Variants in REV1 observed in about 807,000 individuals in gnomAD.
REV1 encodes the protein REV1 DNA directed polymerase.
A neutral mutation model predicts 137.4 loss-of-function variants in REV1; 42 were observed. The observed-to-expected ratio is 0.31, with a 90% CI of 0.24 to 0.40. The LOEUF is 0.40. Among genes scored for constraint, REV1 ranks in the 10% least tolerant of loss-of-function variants. The pLI is 1.00. For synonymous variants in REV1, 524 were observed against 519.2 expected (o/e 1.01, Z -0.12); for missense variants, 1,282 against 1,490.1 (o/e 0.86, Z 2.30).
In REV1 at chr2:99,462,638, A is replaced by C. The variant is rs371761779; in HGVS notation, c.55-16T>G. On this transcript the variant is annotated splice_polypyrimidine_tract_variant and intron_variant, in intron 2 of 22. Coordinates refer to ENST00000258428, the MANE Select transcript of REV1 (RefSeq NM_016316.4). Reference sequence around the variant, plus strand: ...TATACCCACCCTAGAATTAAAGAAAAGGTAAACCAATCACAAAGGTTACAT... The same window carrying C: ...TATACCCACCCTAGAATTAAAGAAACGGTAAACCAATCACAAAGGTTACAT... 3.8e-6 allele frequency: 6 copies of C among 1,587,096 alleles called. No homozygotes were observed. The African/African-American group carries it at 8.2e-5, about 22-fold the overall frequency.
chr2:99,457,690 A>G (rs907171768), intron 3 of REV1, among the ~76,000 whole-genome samples: 1 of 151,850 alleles, frequency 6.6e-6, no homozygotes, highest in Non-Finnish European at 1.5e-5. Flanking sequence ...GTCTCAAGAA[A>G]AAAAAAAAAA....
chr2:99,412,717 T>G lies in REV1; in HGVS notation c.2172+14A>C. The G allele has an allele frequency of 6.3e-7, 1 of 1,599,662 alleles. No individual in the cohort carries two copies. Among genetic ancestry groups the G allele is most frequent in the Non-Finnish European group, 8.6e-7 (1 of 1,166,880 alleles). On this transcript the variant is annotated intron_variant, in intron 13 of 22. Coordinates refer to ENST00000258428, the MANE Select transcript of REV1 (RefSeq NM_016316.4). ...AAGAGCAACAGATGGCAAAATCTGTTCAATGATCAGTACCTGAGTAAACCT... is the reference window on the plus strand; with the variant it reads ...AAGAGCAACAGATGGCAAAATCTGTGCAATGATCAGTACCTGAGTAAACCT...
intron 14 of REV1, among the ~76,000 whole-genome samples, chr2:99,409,828 G>C (rs868428155): frequency 5.2e-5 from 7 of 135,296 alleles, no homozygotes; most frequent in African/African-American, 1.9e-4. Context: ...GGGTGACAGA[G>C]CCAGACTCTG....
At chr2:99,401,640 G>A (rs554123559) in intron 22 of REV1, among the ~76,000 whole-genome samples, 28 of 152,200 alleles carry the variant, frequency 1.8e-4, no homozygotes, top group African/African-American at 5.8e-4. Flanking sequence ...CCAGCTACCC[G>A]GGAGGCTGAG....
chr2:99,435,799 A>G, intron 7 of REV1, 35 bp downstream of exon 7: 1 of 1,012,242 alleles, frequency 9.9e-7, no homozygotes, highest in Non-Finnish European at 1.5e-6. Context: ...ATAACAATAT[A>G]TCAGTTTTCT....
At chr2:99,435,653 T>C (rs1007462065) in intron 7 of REV1, 181 bp downstream of exon 7, 2 of 467,332 alleles carry the variant, frequency 4.3e-6, no homozygotes, top group Non-Finnish European at 3.8e-6. Context: ...AAGATCCCTA[T>C]AGGGAGAAAG....
At chr2:99,466,805 CAGG>C (rs1338695050) in intron 1 of REV1, among the ~76,000 whole-genome samples, 2 of 152,086 alleles carry the variant, frequency 1.3e-5, no homozygotes, top group Admixed American at 6.5e-5. Flanking sequence ...CTGATGAAGG[CAGG>C]AGGAGCATGA....
intron 11 of REV1, 26 bp from the exon 12 acceptor site, chr2:99,418,973 A>AAAT (rs1678269794): frequency 6.4e-7 from 1 of 1,553,470 alleles, no homozygotes; most frequent in Admixed American, 1.8e-5. Flanking sequence ...GTCATCCAAG[A>AAAT]AATAGTCACA....
chr2:99,430,682 T>A (rs1229586091), intron 8 of REV1, among the ~76,000 whole-genome samples: 1 of 152,134 alleles, frequency 6.6e-6, no homozygotes, highest in African/African-American at 2.4e-5. Flanking sequence ...CAAACCAAAT[T>A]TACAACTTTA....
chr2:99,450,296 G>A (rs1274838985), intron 3 of REV1, among the ~76,000 whole-genome samples: 2 of 152,090 alleles, frequency 1.3e-5, no homozygotes, highest in East Asian at 3.8e-4. Flanking sequence ...AAGAAGAAAT[G>A]TCTGATTCAC....
chr2:99,440,076 A>G (rs1243825448), intron 5 of REV1, among the ~76,000 whole-genome samples: 2 of 152,306 alleles, frequency 1.3e-5, no homozygotes, highest in East Asian at 3.9e-4. Flanking sequence ...CATTTCTAAG[A>G]AATGCATATT....
At position 99,430,881 on chromosome 2, in the gene REV1, C is replaced by T. The variant is rs565252976; in HGVS notation, c.1439-933G>A. ...TAAAAAAAAAAATCACATTCTAAAA[C>T]CACAACCTCAGCCACATCTCTACTA... On this transcript the variant is annotated intron_variant, in intron 8 of 22. Transcript: ENST00000258428. Among the ~76,000 whole-genome samples, 9 of 152,218 alleles carry T rather than the reference C, an allele frequency of 5.9e-5. 1 individual carries two copies. In the South Asian group the frequency reaches 1.9e-3, roughly 32 times the overall value.
In REV1 at chr2:99,464,989, T is replaced by C. The variant is rs1327941010; in HGVS notation, c.-10-4A>G. ...ACCTCGCCTCATGGTGGAGCTTCTGTATTGGGGAGGAAAAAAAAAATGTCA... is the reference window on the plus strand; with the variant it reads ...ACCTCGCCTCATGGTGGAGCTTCTGCATTGGGGAGGAAAAAAAAAATGTCA... On this transcript the variant is annotated splice_polypyrimidine_tract_variant and splice_region_variant and intron_variant, in intron 1 of 22. Coordinates refer to ENST00000258428, the MANE Select transcript of REV1 (RefSeq NM_016316.4). The C allele has an allele frequency of 3.7e-6, 6 of 1,608,278 alleles. No homozygotes were observed. In the Admixed American group the frequency reaches 8.5e-5, roughly 23 times the overall value.
At chr2:99,465,112 T>C in intron 1 of REV1, 127 bp from the exon 2 acceptor site, 1 of 690,366 alleles carries the variant, frequency 1.4e-6, no homozygotes, top group Non-Finnish European at 2.3e-6. Flanking sequence ...GTATACAATA[T>C]TAAGTAAACT....
At chr2:99,444,668 G>A (rs1460261870) in intron 4 of REV1, among the ~76,000 whole-genome samples, 1 of 152,230 alleles carries the variant, frequency 6.6e-6, no homozygotes, top group Non-Finnish European at 1.5e-5. Context: ...TGTTAGTGAA[G>A]TAATGTCAGT....
chr2:99,454,566 A>ACCC, intron 3 of REV1, among the ~76,000 whole-genome samples: 4 of 138,678 alleles, frequency 2.9e-5, no homozygotes, highest in Non-Finnish European at 6.4e-5. Context: ...AAAAAAAAAA[A>ACCC]AAAAAAAAAA....
intron 5 of REV1, among the ~76,000 whole-genome samples, chr2:99,439,870 C>T (rs10179435): frequency 0.16 from 24,661 of 152,034 alleles, 2,509 homozygotes; most frequent in African/African-American, 0.27. Flanking sequence ...AGGTACTATT[C>T]AACACATTAA....
intron 3 of REV1, among the ~76,000 whole-genome samples, chr2:99,460,140 A>G (rs13394688): frequency 0.6 from 90,602 of 152,014 alleles, 27,525 homozygotes; most frequent in African/African-American, 0.67. Context: ...GCAGTGGCGC[A>G]ATCTCGGCTC....
chr2:99,406,208 TAATG>T (rs1308155596), intron 16 of REV1, 102 bp from the exon 17 acceptor site: 5 of 1,399,128 alleles, frequency 3.6e-6, no homozygotes, highest in East Asian at 2.4e-5. Flanking sequence ...TGATTCATCA[TAATG>T]AAGAATATAA....
Sources: gnomAD v4.1 joint callset for allele counts (sites outside exome capture counted in the v4.1 genomes callset) on GRCh38, gnomAD v4.1.1 for gene constraint, MANE v1.5 for transcripts, NCBI Gene and HGNC (gene_info 2026-07-23, HGNC 2026-07-21) for gene names.